The following GINS2 variants were observed in gnomAD, a reference collection of about 807,000 sequenced individuals.
GINS2 encodes DNA replication complex GINS protein PSF2.
In GINS2, 23 loss-of-function variants were observed where a neutral mutation model predicts 21.2. The ratio of observed to expected loss-of-function variants is 1.08; its 90% CI spans 0.78 to 1.53. The LOEUF (loss-of-function observed/expected upper bound fraction) is 1.53. GINS2 is among the 40% of genes most tolerant of loss of function. The pLI is 0.00. For synonymous variants in GINS2, 118 were observed against 85.6 expected, an observed-to-expected ratio of 1.38 and a Z score of -2.09; for missense variants, 323 against 233.9, an observed-to-expected ratio of 1.38 and a Z score of -2.49.
chr16:85,685,397 CA>C (rs1228970655), intron 2 of GINS2, among the ~76,000 whole-genome samples: 1 of 151,938 alleles, frequency 6.6e-6, no homozygotes. Flanking sequence ...GCCTTCCGGC[CA>C]GGGGCAACAG....
intron 2 of GINS2, among the ~76,000 whole-genome samples, 163 bp from the exon 3 acceptor site, chr16:85,681,844 T>A (rs1417040933): frequency 6.6e-6 from 1 of 152,174 alleles, no homozygotes; most frequent in Admixed American, 6.6e-5. Flanking sequence ...TCTAGATGAT[T>A]TGAGGCCTCC....
At chr16:85,682,352 G>A (rs1424130587) in intron 2 of GINS2, among the ~76,000 whole-genome samples, 1 of 152,098 alleles carries the variant, frequency 6.6e-6, no homozygotes, top group Non-Finnish European at 1.5e-5. Context: ...ACTAGTCAGT[G>A]ACTTAAATTT....
chr16:85,677,979 G>A lies in GINS2; in HGVS notation c.*233C>T. ...GGCTTTTTTATTTCTCAAAAGTGGG[G>A]GGAAAAAGGGCTGGTTTCTAGAAAC... On this transcript the variant is annotated 3_prime_UTR_variant, in exon 5 of 5. Coordinates refer to ENST00000253462, the MANE Select transcript of GINS2 (RefSeq NM_016095.3). The A allele has an allele frequency of 2.2e-6, 1 of 462,592 alleles. No individual in the cohort carries two copies. Among genetic ancestry groups the A allele is most frequent in the Non-Finnish European group, 3.8e-6 (1 of 260,206 alleles). 28.7% of individuals were successfully genotyped at this position (462,592 alleles called of 1,614,324 possible). A position where few individuals can be genotyped will look rare whatever the true frequency, so the allele number is the denominator to read the frequency against.
intron 2 of GINS2, among the ~76,000 whole-genome samples, chr16:85,681,885 A>T (rs1000849249): frequency 1.3e-5 from 2 of 152,196 alleles, no homozygotes; most frequent in Non-Finnish European, 2.9e-5. Flanking sequence ...AAAGAAAGGT[A>T]AATTTTTGTC....
rs1277946006 is a variant in GINS2, at chr16:85,676,636, T to C, written c.*1576A>G. 1 of 152,216 alleles carries C rather than the reference T, an allele frequency of 6.6e-6. No individual in the cohort carries two copies. The highest frequency in any genetic ancestry group is 1.5e-5 in the Non-Finnish European group (1 of 68,064). The allele number at this position is 152,216 out of a possible 1,614,324, so 9.4% of individuals were successfully genotyped here. ...GTCTTTAGGCTCAGCCTGTCACACA[T>C]GCGCATTCTCAGAGCTCCCCAGACA... On this transcript the variant is annotated 3_prime_UTR_variant, in exon 5 of 5. Transcript: ENST00000253462.
chr16:85,678,490 G>A, intron 4 of GINS2, 50 bp downstream of exon 4: 1 of 1,599,282 alleles, frequency 6.3e-7, no homozygotes, highest in Non-Finnish European at 8.5e-7. Context: ...GGAGCCATGT[G>A]AAATTATGCG....
rs996571615 is a variant in GINS2 at position 85,687,095 on chromosome 16, C to G, written c.205+365G>C. Among the ~76,000 whole-genome samples, 8 of 152,218 alleles carry G rather than the reference C, an allele frequency of 5.3e-5. No homozygotes were observed. The South Asian group carries it at 1.7e-3, about 31-fold the overall frequency. On this transcript the variant is annotated intron_variant, in intron 2 of 4. Coordinates refer to ENST00000253462, the MANE Select transcript of GINS2 (RefSeq NM_016095.3). The stretch of plus-strand genomic sequence containing the variant: ...AATTTGCAGGGTGTGGTGGCGCACG[C>G]CAGTGGTCCCAGCTACTTGGGAGGC...
rs1254827164 is a variant in GINS2, at chr16:85,678,227, C to CT, written c.542dup (p.Ser182ValfsTer18). The CT allele has an allele frequency of 1.2e-6, 2 of 1,613,562 alleles. No individual in the cohort carries two copies. Among genetic ancestry groups the CT allele is most frequent in the Non-Finnish European group, 1.7e-6 (2 of 1,179,896 alleles). ...AGGCCTTTCTCTAGAAGTCCTGAGA[C>CT]TGAGTACTCTCCAGAGGCTGGAGGT... On this transcript the variant is annotated frameshift_variant, in exon 5 of 5. Transcript: ENST00000253462. LOFTEE classifies it high-confidence loss of function.
At chr16:85,686,830 T>C (rs2053781415) in intron 2 of GINS2, among the ~76,000 whole-genome samples, 1 of 152,258 alleles carries the variant, frequency 6.6e-6, no homozygotes, top group Non-Finnish European at 1.5e-5. Flanking sequence ...GCATTCTCTA[T>C]AACTGCTTCT....
chr16:85,681,697 T>G lies in GINS2; in HGVS notation c.206-16A>C. The G allele has an allele frequency of 6.9e-7, 1 of 1,452,562 alleles. No individual in the cohort carries two copies. The highest frequency in any genetic ancestry group is 1.2e-5 in the South Asian group (1 of 86,712). 90.0% of individuals were successfully genotyped at this position (1,452,562 alleles called of 1,614,324 possible). A position where few individuals can be genotyped will look rare whatever the true frequency, so the allele number is the denominator to read the frequency against. On this transcript the variant is annotated splice_polypyrimidine_tract_variant and intron_variant, in intron 2 of 4. Transcript: ENST00000253462. Reference sequence around the variant, plus strand: ...TCCAACTTTTCTGAAATTTAGAAGTTAATACATTTTACCATCATTATAACC... The same window carrying G: ...TCCAACTTTTCTGAAATTTAGAAGTGAATACATTTTACCATCATTATAACC...
chr16:85,681,283 G>A (rs60328344), intron 3 of GINS2, among the ~76,000 whole-genome samples: 1 of 152,222 alleles, frequency 6.6e-6, no homozygotes, highest in Admixed American at 6.5e-5. Flanking sequence ...GTCCAATGTC[G>A]AGTGATGTGA....
At position 85,678,685 on chromosome 16, in the gene GINS2, A is replaced by G; in HGVS notation, c.306-19T>C. 6 of 1,611,130 alleles carry G rather than the reference A, an allele frequency of 3.7e-6. No homozygotes were observed. The highest frequency in any genetic ancestry group is 4.2e-6 in the Non-Finnish European group (5 of 1,178,200). ...TGAAGCACTAAAGGAGCAAGGGCTA[A>G]AGTCAGTCGGGGAACACTTGATAAC... On this transcript the variant is annotated intron_variant, in intron 3 of 4. Coordinates refer to ENST00000253462, the MANE Select transcript of GINS2 (RefSeq NM_016095.3).
chr16:85,682,760 A>G (rs4143866), intron 2 of GINS2, among the ~76,000 whole-genome samples: 35,100 of 152,112 alleles, frequency 0.23, 4,456 homozygotes, highest in Middle Eastern at 0.3. Flanking sequence ...CTCCCCCTCT[A>G]CAGAGAAACC....
chr16:85,678,459 C>G (rs1231416874), intron 4 of GINS2, 81 bp downstream of exon 4: 1 of 1,555,272 alleles, frequency 6.4e-7, no homozygotes, highest in African/African-American at 1.4e-5. Context: ...TAATGCCTGC[C>G]TGTAATAGCC....
chr16:85,683,707 G>T (rs1405206802), intron 2 of GINS2, among the ~76,000 whole-genome samples: 2 of 152,214 alleles, frequency 1.3e-5, no homozygotes, highest in South Asian at 4.1e-4. Context: ...CACTCTCAGT[G>T]CTTGCCTGGA....
At position 85,676,771 on chromosome 16, in the gene GINS2, T is replaced by G. The variant is rs2053677447; in HGVS notation, c.*1441A>C. The stretch of plus-strand genomic sequence containing the variant: ...TTGGGAGGCTGTGGTGGGAGAACTG[T>G]GTGAACCCAGGAGTTCGAGGCTGCA... On this transcript the variant is annotated 3_prime_UTR_variant, in exon 5 of 5. Coordinates refer to ENST00000253462, the MANE Select transcript of GINS2 (RefSeq NM_016095.3). 1 of 152,094 alleles carries G rather than the reference T, an allele frequency of 6.6e-6. No homozygotes were observed. The highest frequency in any genetic ancestry group is 1.5e-5 in the Non-Finnish European group (1 of 68,026). The allele number at this position is 152,094 out of a possible 1,614,324, so 9.4% of individuals were successfully genotyped here. A position where few individuals can be genotyped will look rare whatever the true frequency, so the allele number is the denominator to read the frequency against.
intron 2 of GINS2, 78 bp from the exon 3 acceptor site, chr16:85,681,759 C>G: frequency 1.2e-6 from 1 of 836,218 alleles, no homozygotes. Context: ...TACCAAGTGC[C>G]TATATTATCT....
In GINS2 at chr16:85,677,966, T is replaced by C; in HGVS notation, c.*246A>G. On this transcript the variant is annotated 3_prime_UTR_variant, in exon 5 of 5. Coordinates refer to ENST00000253462, the MANE Select transcript of GINS2 (RefSeq NM_016095.3). Reference sequence around the variant, plus strand: ...CTTATTTACCTAAGGCTTTTTTATTTCTCAAAAGTGGGGGGAAAAAGGGCT... The same window carrying C: ...CTTATTTACCTAAGGCTTTTTTATTCCTCAAAAGTGGGGGGAAAAAGGGCT... 2.3e-6 allele frequency: 1 copy of C among 437,242 alleles called. No homozygotes were observed. Among genetic ancestry groups the C allele is most frequent in the South Asian group, 3.0e-5 (1 of 33,662 alleles). The allele number at this position is 437,242 out of a possible 1,614,324, so 27.1% of individuals were successfully genotyped here.
At chr16:85,685,679 A>AAAAAAAAAAAAAAAAC (rs1567792804) in intron 2 of GINS2, among the ~76,000 whole-genome samples, 15 of 144,238 alleles carry the variant, frequency 1.0e-4, no homozygotes, top group African/African-American at 4.1e-4. Flanking sequence ...TCAAAAAAAA[A>AAAAAAAAAAAAAAAAC]AAAAAAAAAA....
Sources: gnomAD v4.1 joint callset for allele counts (sites outside exome capture counted in the v4.1 genomes callset) on GRCh38, gnomAD v4.1.1 for gene constraint, MANE v1.5 for transcripts, NCBI Gene and HGNC (gene_info 2026-07-23, HGNC 2026-07-21) for gene names.